The following PPIP5K2 variants were observed in gnomAD, a reference collection of about 807,000 sequenced individuals.
PPIP5K2 encodes inositol hexakisphosphate and diphosphoinositol-pentakisphosphate kinase 2.
PPIP5K2 carries 105 observed loss-of-function variants against 154.6 expected under a neutral mutation model. That is an observed-to-expected ratio of 0.68 (90% confidence interval 0.58 to 0.80). The LOEUF (loss-of-function observed/expected upper bound fraction) is 0.80. PPIP5K2 is among the 30% of genes least tolerant of loss of function. The pLI, the probability that PPIP5K2 is intolerant of heterozygous loss-of-function variation, is 0.00. For missense variants in PPIP5K2, 992 were observed against 1,504.6 expected (o/e 0.66, Z 5.64); for synonymous variants, 480 against 490.3 (o/e 0.98, Z 0.28).
At chr5:103,183,682 T>C (rs1799926251) in intron 25 of PPIP5K2, among the ~76,000 whole-genome samples, 1 of 152,206 alleles carries the variant, frequency 6.6e-6, no homozygotes, top group Admixed American at 6.5e-5. Context: ...GAATTTCACC[T>C]TGTTAATAAA....
chr5:103,158,642 C>G, intron 16 of PPIP5K2, 69 bp downstream of exon 16: 3 of 1,358,928 alleles, frequency 2.2e-6, no homozygotes, highest in African/African-American at 1.5e-5. Flanking sequence ...ACATTTTTGG[C>G]TGGGCGCAGT....
intron 1 of PPIP5K2, among the ~76,000 whole-genome samples, chr5:103,121,275 C>G (rs376825448): frequency 6.6e-6 from 1 of 152,246 alleles, no homozygotes; most frequent in Non-Finnish European, 1.5e-5. Flanking sequence ...AAAATAATAA[C>G]GATAGTTGCC....
At chr5:103,170,652 CTTTGGAT>C (rs1797834584) in intron 19 of PPIP5K2, among the ~76,000 whole-genome samples, 1 of 149,140 alleles carries the variant, frequency 6.7e-6, no homozygotes, top group South Asian at 2.1e-4. Flanking sequence ...GTAAGAGAAA[CTTTGGAT>C]TTTTTTTTTT....
At chr5:103,165,301 C>G (rs373360957) in intron 17 of PPIP5K2, among the ~76,000 whole-genome samples, 4 of 152,146 alleles carry the variant, frequency 2.6e-5, no homozygotes, top group South Asian at 4.1e-4. Flanking sequence ...GCCAGTCCCC[C>G]TCACAGTAAA....
chr5:103,195,336 T>C (rs1554228192), intron 30 of PPIP5K2, among the ~76,000 whole-genome samples: 2 of 152,112 alleles, frequency 1.3e-5, no homozygotes, highest in Admixed American at 6.6e-5. Flanking sequence ...AAAATTTCTA[T>C]AGGCCAGGCA....
At chr5:103,159,000 T>C in intron 16 of PPIP5K2, 146 bp from the exon 17 acceptor site, 1 of 626,366 alleles carries the variant, frequency 1.6e-6, no homozygotes, top group Non-Finnish European at 2.5e-6. Context: ...CAAGTAAAAC[T>C]CTAAAATGAC....
chr5:103,146,483 A>G (rs782739932), intron 5 of PPIP5K2, 44 bp from the exon 6 acceptor site: 42 of 1,581,150 alleles, frequency 2.7e-5, no homozygotes, highest in Non-Finnish European at 3.4e-5. Context: ...CTGATAATAT[A>G]ATAAGAATAT....
chr5:103,161,883 T>G (rs1796319213), intron 17 of PPIP5K2, among the ~76,000 whole-genome samples: 1 of 152,084 alleles, frequency 6.6e-6, no homozygotes, highest in Non-Finnish European at 1.5e-5. Context: ...ATTGTAAAAC[T>G]TTTCTCCCAT....
intron 17 of PPIP5K2, among the ~76,000 whole-genome samples, chr5:103,164,271 A>T (rs1562449152): frequency 6.6e-6 from 1 of 151,754 alleles, no homozygotes; most frequent in Non-Finnish European, 1.5e-5. Flanking sequence ...CAGTTTCACC[A>T]TGGTTGATTA....
rs368999958 is a variant in PPIP5K2, at chr5:103,137,090, C to G, written c.401+268C>G. The stretch of plus-strand genomic sequence containing the variant: ...TGTTTAATTTCCAGAGCCTACTAAA[C>G]CATTCAAACTTATGAGCACTTTTTC... On this transcript the variant is annotated intron_variant, in intron 4 of 30. Transcript: ENST00000358359. 4.6e-5 allele frequency among the ~76,000 whole-genome samples: 7 copies of G among 152,166 alleles called. No individual in the cohort carries two copies. The South Asian group carries it at 1.5e-3, about 32-fold the overall frequency.
intron 4 of PPIP5K2, 22 bp downstream of exon 4, chr5:103,136,844 A>G: frequency 6.4e-7 from 1 of 1,560,348 alleles, no homozygotes; most frequent in Non-Finnish European, 8.8e-7. Context: ...AGTTGGCTGA[A>G]TTAAGGGAAG....
rs1803711131 is a variant in PPIP5K2 at position 103,209,909 on chromosome 5, T to C, written c.*8275T>C. On this transcript the variant is annotated 3_prime_UTR_variant, in exon 31 of 31. Transcript: ENST00000358359. ...AAGTCATATCATTACGACTTTTTTT[T>C]CATGCCACATAGATATGCTGATTTG... 6.6e-6 allele frequency: 1 copy of C among 152,134 alleles called. No individual in the cohort carries two copies. The highest frequency in any genetic ancestry group is 1.5e-5 in the Non-Finnish European group (1 of 68,016). 9.4% of individuals were successfully genotyped at this position (152,134 alleles called of 1,614,324 possible).
In PPIP5K2 at chr5:103,158,929, C is replaced by CA. The variant is rs200593216; in HGVS notation, c.1738-208dup. On this transcript the variant is annotated intron_variant, in intron 16 of 30. Coordinates refer to ENST00000358359, the MANE Select transcript of PPIP5K2 (RefSeq NM_001276277.3). ...AGGCAACAGTGTCAGACCCTTGTCT[C>CA]AAAAAAAAACCAAAATTTTTTTAAC... is the stretch of plus-strand genomic sequence containing the variant. 8.3e-4 allele frequency among the ~76,000 whole-genome samples: 124 copies of CA among 148,754 alleles called. 1 individual carries two copies. The highest frequency in any genetic ancestry group is 1.1e-3 in the Non-Finnish European group (77 of 67,084).
At position 103,158,467 on chromosome 5, in the gene PPIP5K2, T is replaced by TATGCAGGATTA; in HGVS notation, c.1631_1632insATGCAGGATTA (p.Phe544LeufsTer33). The TATGCAGGATTA allele has an allele frequency of 6.2e-7, 1 of 1,605,890 alleles. No homozygotes were observed. Among genetic ancestry groups the TATGCAGGATTA allele is most frequent in the Admixed American group, 1.7e-5 (1 of 57,806 alleles). On this transcript the variant is annotated frameshift_variant, in exon 16 of 31. Coordinates refer to ENST00000358359, the MANE Select transcript of PPIP5K2 (RefSeq NM_001276277.3). LOFTEE classifies it high-confidence loss of function. Reference sequence around the variant, plus strand: ...TTATTTTCAGGAGATTATGCAGGATTTCCTGGTTGTGGTTTACTTAGATTA... The same window carrying TATGCAGGATTA: ...TTATTTTCAGGAGATTATGCAGGATTATGCAGGATTATCCTGGTTGTGGTTTACTTAGATTA...
intron 5 of PPIP5K2, among the ~76,000 whole-genome samples, chr5:103,139,378 C>T (rs1210493639): frequency 6.6e-6 from 1 of 152,186 alleles, no homozygotes; most frequent in African/African-American, 2.4e-5. Flanking sequence ...TGCAAGAATG[C>T]ACCTTCATAA....
chr5:103,168,811 T>G (rs908389084), intron 19 of PPIP5K2, among the ~76,000 whole-genome samples: 11 of 151,170 alleles, frequency 7.3e-5, no homozygotes, highest in Middle Eastern at 3.2e-3. Context: ...GGTAGTAAAG[T>G]TTTTTTTTAA....
At chr5:103,123,377 C>T (rs782444109) in intron 1 of PPIP5K2, among the ~76,000 whole-genome samples, 5 of 152,146 alleles carry the variant, frequency 3.3e-5, no homozygotes, top group Non-Finnish European at 7.3e-5. Context: ...GATTCCAGGA[C>T]GACGAGCAAC....
rs1174253572 is a variant in PPIP5K2 at position 103,206,247 on chromosome 5, G to T, written c.*4613G>T. The T allele has an allele frequency of 2.6e-5, 4 of 152,102 alleles. No homozygotes were observed. The highest frequency in any genetic ancestry group is 5.9e-5 in the Non-Finnish European group (4 of 68,012). The allele number at this position is 152,102 out of a possible 1,614,324, so 9.4% of individuals were successfully genotyped here. A position where few individuals can be genotyped will look rare whatever the true frequency, so the allele number is the denominator to read the frequency against. ...CAAGTGACCTCCCTTGTCACCTCTGGCATAGTATAAACTTTATCCCAAAGT... is the reference window on the plus strand; with the variant it reads ...CAAGTGACCTCCCTTGTCACCTCTGTCATAGTATAAACTTTATCCCAAAGT... On this transcript the variant is annotated 3_prime_UTR_variant, in exon 31 of 31. Coordinates refer to ENST00000358359, the MANE Select transcript of PPIP5K2 (RefSeq NM_001276277.3).
chr5:103,129,100 A>G (rs1164553134), intron 1 of PPIP5K2, among the ~76,000 whole-genome samples: 2 of 152,156 alleles, frequency 1.3e-5, no homozygotes, highest in Non-Finnish European at 2.9e-5. Flanking sequence ...CAAATTGCTA[A>G]GATGTATATT....
Sources: allele counts gnomAD v4.1 joint callset (sites outside exome capture counted in the v4.1 genomes callset), GRCh38; gene constraint gnomAD v4.1.1; transcripts MANE v1.5; gene names NCBI Gene and HGNC (gene_info 2026-07-23, HGNC 2026-07-21).